Variants in MACROD2 observed in about 807,000 individuals in gnomAD.
MACROD2 encodes the protein mono-ADP ribosylhydrolase 2, also known as ADP-ribose glycohydrolase MACROD2.
Under a neutral mutation model 70.4 loss-of-function variants are expected in MACROD2, and 36 were observed. That is an observed-to-expected ratio of 0.51 (90% confidence interval 0.39 to 0.68). MACROD2 has a LOEUF of 0.68. Ranked by LOEUF, MACROD2 falls within the 30% of genes least tolerant of loss-of-function variation. MACROD2 has a pLI of 0.00. For missense variants in MACROD2, 496 were observed against 538.4 expected, an observed-to-expected ratio of 0.92 and a Z score of 0.78; for synonymous variants, 172 against 178.8, an observed-to-expected ratio of 0.96 and a Z score of 0.30.
At chr20:14,103,105 T>C (rs2054320655) in intron 3 of MACROD2, among the ~76,000 whole-genome samples, 1 of 152,186 alleles carries the variant, frequency 6.6e-6, no homozygotes, top group African/African-American at 2.4e-5. Context: ...ATTTTTTTTT[T>C]CTGAAGGAAT....
At chr20:15,802,232 C>T (rs1449336053) in intron 8 of MACROD2, among the ~76,000 whole-genome samples, 1 of 152,134 alleles carries the variant, frequency 6.6e-6, no homozygotes, top group Admixed American at 6.5e-5. Context: ...AATTCCAATA[C>T]TATGTTGAAT....
chr20:14,909,208 G>C (rs905048553), intron 5 of MACROD2, among the ~76,000 whole-genome samples: 1 of 152,112 alleles, frequency 6.6e-6, no homozygotes, highest in Non-Finnish European at 1.5e-5. Context: ...TAACTCTCTT[G>C]TTAACTACTG....
At chr20:15,630,217 T>G (rs1242267325) in intron 8 of MACROD2, among the ~76,000 whole-genome samples, 1 of 152,224 alleles carries the variant, frequency 6.6e-6, no homozygotes, top group African/African-American at 2.4e-5. Flanking sequence ...TCAGAGCAGA[T>G]GCAGAGGAAG....
intron 5 of MACROD2, among the ~76,000 whole-genome samples, chr20:15,057,650 A>T (rs1349299434): frequency 6.6e-6 from 1 of 152,224 alleles, no homozygotes; most frequent in Non-Finnish European, 1.5e-5. Flanking sequence ...AGGTGAGCTC[A>T]GCTAGGCCAT....
intron 5 of MACROD2, among the ~76,000 whole-genome samples, chr20:14,935,730 A>G (rs1298956493): frequency 6.6e-6 from 1 of 152,146 alleles, no homozygotes; most frequent in South Asian, 2.1e-4. Context: ...GTGAACTGCT[A>G]TCATTGAAGG....
intron 8 of MACROD2, among the ~76,000 whole-genome samples, chr20:15,560,418 G>A (rs574366737): frequency 1.3e-5 from 2 of 152,260 alleles, no homozygotes; most frequent in African/African-American, 4.8e-5. Context: ...TAATGCTAGT[G>A]CTAGATGCTG....
chr20:15,509,867 G>A (rs1274350846), intron 8 of MACROD2, among the ~76,000 whole-genome samples: 3 of 152,200 alleles, frequency 2.0e-5, no homozygotes, highest in South Asian at 2.1e-4. Context: ...GCCCACTGAT[G>A]CATCCTGGCC....
chr20:15,860,557 T>C (rs1465740609), intron 8 of MACROD2, among the ~76,000 whole-genome samples: 1 of 152,178 alleles, frequency 6.6e-6, no homozygotes, highest in Non-Finnish European at 1.5e-5. Flanking sequence ...CACAGTCTTA[T>C]TTTTAATTTT....
At chr20:14,955,258 TATA>T (rs1296445763) in intron 5 of MACROD2, among the ~76,000 whole-genome samples, 1 of 138,566 alleles carries the variant, frequency 7.2e-6, no homozygotes, top group African/African-American at 2.6e-5. Context: ...ATTTATATAA[TATA>T]ATATAATTTT....
chr20:15,218,650 C>CT (rs1221527669), intron 5 of MACROD2, among the ~76,000 whole-genome samples: 2 of 152,134 alleles, frequency 1.3e-5, no homozygotes, highest in Non-Finnish European at 2.9e-5. Context: ...TTTGCAAACT[C>CT]TTTAAGAAGT....
chr20:16,028,484 G>T (rs1296688790), intron 15 of MACROD2, among the ~76,000 whole-genome samples: 1 of 151,620 alleles, frequency 6.6e-6, no homozygotes, highest in Non-Finnish European at 1.5e-5. Flanking sequence ...TTCTCAAAGA[G>T]GCATATGGAG....
At chr20:15,778,376 T>C (rs2051768135) in intron 8 of MACROD2, among the ~76,000 whole-genome samples, 1 of 152,146 alleles carries the variant, frequency 6.6e-6, no homozygotes, top group Admixed American at 6.5e-5. Context: ...GGCATATTTA[T>C]TAAGTGTTCT....
intron 8 of MACROD2, among the ~76,000 whole-genome samples, chr20:15,636,089 A>AAAAAAAAAAAAAAAAAAAAAG (rs1459679844): frequency 1.5e-5 from 2 of 134,978 alleles, no homozygotes; most frequent in African/African-American, 2.7e-5. Context: ...AAAAAAAAAA[A>AAAAAAAAAAAAAAAAAAAAAG]AAAGAAAGAA....
At chr20:14,279,594 C>T (rs1213595287) in intron 3 of MACROD2, among the ~76,000 whole-genome samples, 2 of 152,164 alleles carry the variant, frequency 1.3e-5, no homozygotes, top group Admixed American at 6.6e-5. Flanking sequence ...ATTTAAGTCT[C>T]AGAGAGGCTT....
chr20:14,421,395 A>T (rs751632496), intron 3 of MACROD2, among the ~76,000 whole-genome samples: 14 of 152,240 alleles, frequency 9.2e-5, no homozygotes, highest in Non-Finnish European at 1.6e-4. Context: ...CAGTCTCCTT[A>T]GTAGTTATGA....
intron 3 of MACROD2, among the ~76,000 whole-genome samples, chr20:14,410,275 A>G (rs2083736239): frequency 7.3e-6 from 1 of 136,826 alleles, no homozygotes; most frequent in Middle Eastern, 4.4e-3. Flanking sequence ...GTGTAAGTCT[A>G]TTACATGGGT....
chr20:14,271,263 C>A lies in MACROD2; in HGVS notation c.271+185535C>A, dbSNP rs182461404. On this transcript the variant is annotated intron_variant, in intron 3 of 17. Transcript: ENST00000684519. Reference sequence around the variant, plus strand: ...ACCCCCCAGTAGGGGCAGACTGACACCTCACACGGCCAGGTACTCCTCTGA... The same window carrying A: ...ACCCCCCAGTAGGGGCAGACTGACAACTCACACGGCCAGGTACTCCTCTGA... Among the ~76,000 whole-genome samples the A allele has an allele frequency of 8.4e-3, 1,282 of 152,258 alleles. 13 individuals carry two copies. The highest frequency in any genetic ancestry group is 0.013 in the Non-Finnish European group (889 of 68,018).
chr20:15,111,058 A>G (rs1383061862), intron 5 of MACROD2, among the ~76,000 whole-genome samples: 1 of 152,192 alleles, frequency 6.6e-6, no homozygotes, highest in Non-Finnish European at 1.5e-5. Context: ...GAGTATTGAA[A>G]TAACTTTCTC....
chr20:14,366,076 G>A (rs1229252661), intron 3 of MACROD2, among the ~76,000 whole-genome samples: 1 of 152,084 alleles, frequency 6.6e-6, no homozygotes, highest in African/African-American at 2.4e-5. Flanking sequence ...GTATTCTGCT[G>A]TTGATGGTGG....
Sources: gnomAD v4.1 joint callset for allele counts (sites outside exome capture counted in the v4.1 genomes callset) on GRCh38, gnomAD v4.1.1 for gene constraint, MANE v1.5 for transcripts, NCBI Gene and HGNC (gene_info 2026-07-23, HGNC 2026-07-21) for gene names.